Variants in PCLO observed in about 807,000 individuals in gnomAD.
The protein encoded by PCLO is piccolo presynaptic cytomatrix protein.
PCLO carries 82 observed loss-of-function variants against 427.5 expected under a neutral mutation model. That is an observed-to-expected ratio of 0.19 (90% CI 0.16 to 0.23). The LOEUF (loss-of-function observed/expected upper bound fraction) is 0.23. Among genes scored for constraint, PCLO ranks in the 10% least tolerant of loss-of-function variants. PCLO has a pLI of 1.00. For synonymous variants in PCLO, 2,357 were observed against 2,155.4 expected, an observed-to-expected ratio of 1.09 and a Z score of -2.59; for missense variants, 6,239 against 6,115.9, an observed-to-expected ratio of 1.02 and a Z score of -0.67.
chr7:82,950,418 G>T lies in PCLO; in HGVS notation c.10170C>A (p.Ile3390=). The T allele has an allele frequency of 6.2e-7, 1 of 1,613,664 alleles. No individual in the cohort carries two copies. The highest frequency in any genetic ancestry group is 8.5e-7 in the Non-Finnish European group (1 of 1,179,814). Residue 3390 remains isoleucine, a synonymous_variant, in exon 6 of 25, where the codon ATC becomes ATA. Transcript: ENST00000333891. The stretch of plus-strand genomic sequence containing the variant: ...GAGGTATTTCTGAAACAGTGCTCAG[G>T]ATACCAGGTGGGGCAATGTACTGAG... The part of the protein sequence containing the change: ...GVTQYIAPPG[I]LSTVSEIPLT...
At chr7:82,936,077 C>T (rs1190893797) in intron 6 of PCLO, among the ~76,000 whole-genome samples, 2 of 151,598 alleles carry the variant, frequency 1.3e-5, no homozygotes, top group Non-Finnish European at 3.0e-5. Context: ...CAGTAGACCT[C>T]GTAGATACAT....
At chr7:82,763,813 A>T (rs970561506) in intron 22 of PCLO, among the ~76,000 whole-genome samples, 2 of 152,062 alleles carry the variant, frequency 1.3e-5, no homozygotes, top group East Asian at 3.9e-4. Flanking sequence ...GAGATAGTTC[A>T]TAGTAGAGAG....
At chr7:83,011,603 TGA>T (rs1019826753) in intron 3 of PCLO, among the ~76,000 whole-genome samples, 2 of 65,266 alleles carry the variant, frequency 3.1e-5, no homozygotes, top group Non-Finnish European at 5.6e-5. Context: ...AATTTTAAGC[TGA>T]AAAAAAAAAA....
intron 7 of PCLO, among the ~76,000 whole-genome samples, chr7:82,909,570 G>A (rs1584136407): frequency 6.6e-6 from 1 of 152,058 alleles, no homozygotes; most frequent in African/African-American, 2.4e-5. Flanking sequence ...CCTTGTGTAT[G>A]GAAGTTTCTG....
chr7:82,795,046 C>G (rs1407395730), intron 22 of PCLO, among the ~76,000 whole-genome samples: 1 of 152,078 alleles, frequency 6.6e-6, no homozygotes, highest in Non-Finnish European at 1.5e-5. Flanking sequence ...TAAGCCTGTA[C>G]AAATCTTACT....
At chr7:82,820,936 G>A (rs759409073) in intron 20 of PCLO, 9 of 1,229,250 alleles carry the variant, frequency 7.3e-6, no homozygotes, top group South Asian at 4.2e-5. Flanking sequence ...AATATATTAC[G>A]GGACTGATCT....
intron 3 of PCLO, among the ~76,000 whole-genome samples, chr7:83,002,416 T>G (rs1342968406): frequency 1.7e-5 from 2 of 117,232 alleles, no homozygotes; most frequent in Non-Finnish European, 3.9e-5. Context: ...TAGTGTGTTA[T>G]TGTTTGTCTT....
intron 3 of PCLO, among the ~76,000 whole-genome samples, chr7:82,988,455 A>G (rs1796302996): frequency 6.6e-6 from 1 of 152,206 alleles, no homozygotes; most frequent in African/African-American, 2.4e-5. Context: ...ATTTTAATAG[A>G]GTTGAGACCA....
At chr7:83,149,490 A>G (rs1792077042) in intron 2 of PCLO, among the ~76,000 whole-genome samples, 1 of 152,190 alleles carries the variant, frequency 6.6e-6, no homozygotes, top group South Asian at 2.1e-4. Flanking sequence ...TTGTGTGCTC[A>G]GTCCTCCTTT....
At chr7:82,930,955 T>G (rs1163163170) in intron 6 of PCLO, among the ~76,000 whole-genome samples, 4 of 152,122 alleles carry the variant, frequency 2.6e-5, no homozygotes, top group African/African-American at 9.7e-5. Context: ...AAGTTATATC[T>G]GGCTGAACTA....
At chr7:82,973,465 G>A (rs1000179450) in intron 3 of PCLO, among the ~76,000 whole-genome samples, 1 of 152,018 alleles carries the variant, frequency 6.6e-6, no homozygotes, top group African/African-American at 2.4e-5. Flanking sequence ...AATAAAAATA[G>A]TCAACATAAA....
chr7:83,119,008 A>G (rs1347908297), intron 3 of PCLO, among the ~76,000 whole-genome samples: 2 of 152,194 alleles, frequency 1.3e-5, no homozygotes, highest in East Asian at 3.9e-4. Context: ...CTTGTGTACC[A>G]GCTCAGCCAC....
intron 13 of PCLO, among the ~76,000 whole-genome samples, chr7:82,844,320 C>T (rs932170069): frequency 1.3e-5 from 2 of 152,090 alleles, no homozygotes; most frequent in African/African-American, 4.8e-5. Flanking sequence ...TTTAGCCTAA[C>T]TGCCTTTGAA....
chr7:82,952,408 C>T lies in PCLO; in HGVS notation c.8545G>A (p.Glu2849Lys), dbSNP rs1011437075. The T allele has an allele frequency of 1.2e-6, 2 of 1,613,708 alleles. No individual in the cohort carries two copies. Among genetic ancestry groups the T allele is most frequent in the African/African-American group, 2.7e-5 (2 of 74,906 alleles). ...AGAGATAAGTTTATTGGTGCTTCTT[C>T]CCTAGCTATAGGAAAGACCTGGTCA... is the stretch of plus-strand genomic sequence containing the variant. ...PSDQVFPIAR[E>K]EAPINLSLGT... is the part of the protein sequence containing the mutation. Residue 2849 changes from glutamate (E) to lysine (K), a missense_variant, in exon 5 of 25, where the codon GAA (glutamate) becomes AAA (lysine). Glu to Lys is a moderately conservative substitution (Grantham distance 56). Around this residue, in one of 5 missense-constraint regions of PCLO, gnomAD observed 4,677 missense variants for 4,468.4 expected, o/e 1.05. Coordinates refer to ENST00000333891, the MANE Select transcript of PCLO (RefSeq NM_033026.6).
intron 3 of PCLO, among the ~76,000 whole-genome samples, chr7:83,023,027 T>C (rs1476138410): frequency 1.3e-5 from 2 of 152,276 alleles, no homozygotes; most frequent in South Asian, 2.1e-4. Context: ...ATATCATCTG[T>C]AAATGCATAT....
intron 22 of PCLO, among the ~76,000 whole-genome samples, chr7:82,783,609 G>T (rs1025803906): frequency 3.3e-5 from 5 of 151,962 alleles, no homozygotes; most frequent in African/African-American, 9.7e-5. Flanking sequence ...GCGATAGAGC[G>T]AGACTCGGTC....
intron 7 of PCLO, among the ~76,000 whole-genome samples, chr7:82,910,533 A>G (rs1335130181): frequency 6.6e-6 from 1 of 152,138 alleles, no homozygotes; most frequent in Non-Finnish European, 1.5e-5. Flanking sequence ...TAAGCTGCTT[A>G]AAGGCAAAGC....
intron 3 of PCLO, among the ~76,000 whole-genome samples, chr7:83,074,694 T>A (rs1213223375): frequency 6.6e-6 from 1 of 152,132 alleles, no homozygotes; most frequent in African/African-American, 2.4e-5. Context: ...TTGAAAATCA[T>A]AAAATAACTA....
At chr7:82,821,714 G>C (rs1791796791) in intron 20 of PCLO, 1 of 983,132 alleles carries the variant, frequency 1.0e-6, no homozygotes, top group African/African-American at 1.7e-5. Flanking sequence ...ATTTCCAATG[G>C]TTAGAAAAAA....
Sources: allele counts gnomAD v4.1 joint callset (sites outside exome capture counted in the v4.1 genomes callset), GRCh38; gene constraint gnomAD v4.1.1; regional missense constraint gnomAD v4.1.1; transcripts MANE v1.5; gene names NCBI Gene and HGNC (gene_info 2026-07-23, HGNC 2026-07-21).